Variants in STON2 observed in about 807,000 individuals in gnomAD.
STON2 encodes the protein stonin 2.
In STON2, 29 loss-of-function variants were observed where a neutral mutation model predicts 65.7. The ratio of observed to expected loss-of-function variants is 0.44; its 90% CI spans 0.33 to 0.60. The LOEUF (loss-of-function observed/expected upper bound fraction) is 0.60, where lower values mean the gene tolerates loss of function less well. Ranked by LOEUF, STON2 falls within the 20% of genes least tolerant of loss-of-function variation. STON2 has a pLI of 0.03. For missense variants in STON2, 1,054 were observed against 1,118.1 expected, an observed-to-expected ratio of 0.94 and a Z score of 0.82; for synonymous variants, 404 against 414.2, an observed-to-expected ratio of 0.98 and a Z score of 0.30.
At chr14:81,370,895 G>A in intron 4 of STON2, 93 bp downstream of exon 4, 1 of 1,191,642 alleles carries the variant, frequency 8.4e-7, no homozygotes, top group Non-Finnish European at 1.2e-6. Context: ...TGCAAAGGAA[G>A]CCAGCTGCAG....
chr14:81,402,114 C>T (rs1009903013), upstream of STON2, among the ~76,000 whole-genome samples: 2 of 152,112 alleles, frequency 1.3e-5, no homozygotes, highest in Non-Finnish European at 2.9e-5. Context: ...ACCATAAAAG[C>T]TAAGGAGAGT....
intron 5 of STON2, among the ~76,000 whole-genome samples, chr14:81,304,210 C>CATCGTATTCAATTGTGTGAATGTG (rs1896081422): frequency 6.6e-6 from 1 of 152,136 alleles, no homozygotes; most frequent in Non-Finnish European, 1.5e-5. Flanking sequence ...TAGATTCCCC[C>CATCGTATTCAATTGTGTGAATGTG]ACACACCTAT....
In STON2 at chr14:81,398,315, G is replaced by C. The variant is rs150674891; in HGVS notation, c.68C>G (p.Pro23Arg). ...CTTACCCTGCGAGTGGGCAGGAAAGGGTGGCTCTTCATTGAAGGAGACCCA... is the reference window on the plus strand; with the variant it reads ...CTTACCCTGCGAGTGGGCAGGAAAGCGTGGCTCTTCATTGAAGGAGACCCA... ...SEWVSFNEEP[P>R]FPAHSQGGTE... Residue 23 changes from proline (P) to arginine (R), a missense_variant, in exon 2 of 8, where the codon CCC (proline) becomes CGC (arginine). Physicochemically the swap from Pro to Arg is moderately radical, Grantham distance 103. Transcript: ENST00000614646. 2.4e-5 allele frequency: 39 copies of C among 1,613,728 alleles called. No homozygotes were observed. The African/African-American group carries it at 5.2e-4, about 22-fold the overall frequency.
Position 81,330,501 on chromosome 14 carries a change from C to A in STON2, c.572-6314G>T, listed in dbSNP as rs147073906. Among the ~76,000 whole-genome samples the A allele has an allele frequency of 1.3e-3, 198 of 151,586 alleles. 2 individuals carry two copies. Among genetic ancestry groups the A allele is most frequent in the Admixed American group, 0.012 (189 of 15,238 alleles). ...TTTTATAATAAAATGTCTTAAAATT[C>A]TGATCTAATATTTTTAAAAAGAAGT... is the stretch of plus-strand genomic sequence containing the variant. On this transcript the variant is annotated intron_variant, in intron 4 of 7. Coordinates refer to ENST00000614646, the MANE Select transcript of STON2 (RefSeq NM_001394390.1).
At position 81,371,008 on chromosome 14, in the gene STON2, G is replaced by A; in HGVS notation, c.551C>T (p.Ala184Val). ...CTTACCAGTTGAGTCAGCCCCAGAA[G>A]CCTGGCCACTCGTCTGCTCCTCAGC... ...INAEEQTSGQASGADSTDKRT... is the reference protein window; with the variant it reads ...INAEEQTSGQVSGADSTDKRT... Residue 184 changes from alanine to valine, a missense_variant, in exon 4 of 8, where the codon GCT becomes GTT. Transcript: ENST00000614646. The A allele has an allele frequency of 1.9e-6, 3 of 1,612,822 alleles. No homozygotes were observed. The highest frequency in any genetic ancestry group is 2.5e-6 in the Non-Finnish European group (3 of 1,179,980).
At chr14:81,359,289 T>C (rs780652611) in intron 4 of STON2, among the ~76,000 whole-genome samples, 10 of 152,150 alleles carry the variant, frequency 6.6e-5, no homozygotes, top group Non-Finnish European at 1.3e-4. Context: ...TCTCAGCCAA[T>C]GGGTCAAAGA....
At chr14:81,416,293 G>A (rs545383426) in intron 2 of STON2, among the ~76,000 whole-genome samples, 17 of 152,162 alleles carry the variant, frequency 1.1e-4, no homozygotes, top group Non-Finnish European at 2.2e-4. Flanking sequence ...GCCTAGTCAA[G>A]AGAGAGAACA....
intron 2 of STON2, among the ~76,000 whole-genome samples, chr14:81,407,872 T>C (rs1020577770): frequency 9.2e-5 from 14 of 152,296 alleles, no homozygotes; most frequent in Admixed American, 8.5e-4. Flanking sequence ...CACAAGATAA[T>C]AACAAGCTTT....
At chr14:81,296,304 C>T (rs1339902146) in intron 5 of STON2, among the ~76,000 whole-genome samples, 1 of 152,118 alleles carries the variant, frequency 6.6e-6, no homozygotes, top group African/African-American at 2.4e-5. Context: ...ACGATCAATG[C>T]TGATGATTTG....
At chr14:81,424,677 C>A (rs1264567721) in intron 2 of STON2, among the ~76,000 whole-genome samples, 1 of 152,160 alleles carries the variant, frequency 6.6e-6, no homozygotes, top group East Asian at 1.9e-4. Context: ...GACAATGGGA[C>A]AGGATCCTTT....
At position 81,282,707 on chromosome 14, in the gene STON2, CAT is replaced by C. The variant is rs1895173339; in HGVS notation, c.743-3970_743-3969del. On this transcript the variant is annotated intron_variant, in intron 5 of 7. Transcript: ENST00000614646. The stretch of plus-strand genomic sequence containing the variant: ...CAATGTTCCTTACAAAATAAAGCAA[CAT>C]AGCATTATAATAAAAGTTCAAAACA... Among the ~76,000 whole-genome samples the C allele has an allele frequency of 2.0e-5, 3 of 152,250 alleles. No individual in the cohort carries two copies. In the South Asian group the frequency reaches 6.2e-4, roughly 32 times the overall value.
At chr14:81,436,278 G>C (rs1266490780) in intron 1 of STON2, 4 of 151,486 alleles carry the variant, frequency 2.6e-5, no homozygotes, top group African/African-American at 4.8e-5. Flanking sequence ...GCCCCTCTTG[G>C]GGGGCGCGCT....
intron 2 of STON2, among the ~76,000 whole-genome samples, chr14:81,406,560 T>C (rs533786610): frequency 5.9e-5 from 9 of 152,298 alleles, no homozygotes; most frequent in African/African-American, 1.7e-4. Context: ...TGCTCAATAA[T>C]AATAACTACT....
chr14:81,379,419 GGAGATA>G (rs1899407773), intron 3 of STON2, among the ~76,000 whole-genome samples: 1 of 152,088 alleles, frequency 6.6e-6, no homozygotes, highest in Non-Finnish European at 1.5e-5. Flanking sequence ...ATATATATAT[GGAGATA>G]GAGATAAATA....
In STON2 at chr14:81,270,846, A is replaced by C. The variant is rs1164683995; in HGVS notation, c.2608T>G (p.Cys870Gly). ...SASGHPHCFF[C>G]HLELGSDREV... ...CGGTCAGAGCCGAGTTCAAGGTGGC[A>C]AAAGAAACAGTGTGGGTGACCGGAA... is the stretch of plus-strand genomic sequence containing the variant. Residue 870 changes from cysteine to glycine, a missense_variant, in exon 7 of 8, where the codon TGC becomes GGC. Physicochemically the swap from Cys to Gly is radical, Grantham distance 159. Transcript: ENST00000614646. 2 of 1,613,372 alleles carry C rather than the reference A, an allele frequency of 1.2e-6. No homozygotes were observed. The highest frequency in any genetic ancestry group is 1.7e-6 in the Non-Finnish European group (2 of 1,180,042).
At chr14:81,388,908 T>C (rs570275248) in intron 3 of STON2, among the ~76,000 whole-genome samples, 5 of 152,272 alleles carry the variant, frequency 3.3e-5, no homozygotes, top group African/African-American at 9.6e-5. Flanking sequence ...CTAAGTAAGG[T>C]TTCACTTTTT....
In STON2 at chr14:81,267,606, C is replaced by G; in HGVS notation, c.*808G>C. 1.0e-6 allele frequency: 1 copy of G among 985,380 alleles called. No individual in the cohort carries two copies. Among genetic ancestry groups the G allele is most frequent in the Non-Finnish European group, 1.2e-6 (1 of 829,900 alleles). 61.0% of individuals were successfully genotyped at this position (985,380 alleles called of 1,614,324 possible). On this transcript the variant is annotated 3_prime_UTR_variant, in exon 8 of 8. Coordinates refer to ENST00000614646, the MANE Select transcript of STON2 (RefSeq NM_001394390.1). ...GGGAATTCACTGAGATTGAATCTAC[C>G]TCTTGAACTGAACATCATCTTATAT...
Position 81,278,238 on chromosome 14 carries a change from G to C in STON2, c.1244C>G (p.Ser415Cys), listed in dbSNP as rs767574277. The C allele has an allele frequency of 5.0e-6, 8 of 1,614,128 alleles. No individual in the cohort carries two copies. Among genetic ancestry groups the C allele is most frequent in the Non-Finnish European group, 5.1e-6 (6 of 1,180,028 alleles). Residue 415 changes from serine to cysteine, a missense_variant, in exon 6 of 8, where the codon TCC (serine) becomes TGC (cysteine). Transcript: ENST00000614646. Reference protein sequence around the residue: ...SSTTGKSQRDSLIVIYQDAIS... With the variant: ...SSTTGKSQRDCLIVIYQDAIS... ...GGCATCCTGGTAGATGACAATGAGG[G>C]AATCTCTTTGGCTTTTGCCCGTGGT...
chr14:81,280,916 CAGG>C (rs927065144), intron 5 of STON2, among the ~76,000 whole-genome samples: 2 of 150,148 alleles, frequency 1.3e-5, no homozygotes, highest in African/African-American at 4.9e-5. Flanking sequence ...GAGGCGGAGG[CAGG>C]AGAAGTGCTT....
Sources: gnomAD v4.1 joint callset for allele counts (sites outside exome capture counted in the v4.1 genomes callset) on GRCh38, gnomAD v4.1.1 for gene constraint, MANE v1.5 for transcripts, NCBI Gene and HGNC (gene_info 2026-07-23, HGNC 2026-07-21) for gene names.